IL1RAP: variants seen among roughly 807,000 people sequenced by gnomAD.
The protein encoded by IL1RAP is interleukin-1 receptor accessory protein.
Under a neutral mutation model 60.7 loss-of-function variants are expected in IL1RAP, and 35 were observed. The ratio of observed to expected loss-of-function variants is 0.58; its 90% CI spans 0.44 to 0.76. The LOEUF (loss-of-function observed/expected upper bound fraction) is 0.76, where lower values mean the gene tolerates loss of function less well. Ranked by LOEUF, IL1RAP falls within the 30% of genes least tolerant of loss-of-function variation. IL1RAP has a pLI of 0.00. For synonymous variants in IL1RAP, 268 were observed against 250.9 expected (o/e 1.07, Z -0.64); for missense variants, 572 against 693.9 (o/e 0.82, Z 1.97).
intron 3 of IL1RAP, among the ~76,000 whole-genome samples, chr3:190,593,230 T>G (rs1214086316): frequency 6.6e-6 from 1 of 152,202 alleles, no homozygotes; most frequent in Non-Finnish European, 1.5e-5. Flanking sequence ...TATCTGGTCC[T>G]GGAAAGCAGC....
intron 3 of IL1RAP, among the ~76,000 whole-genome samples, chr3:190,572,637 C>T (rs1020966731): frequency 1.8e-4 from 28 of 152,076 alleles, no homozygotes; most frequent in Non-Finnish European, 3.4e-4. Flanking sequence ...TTAAATACTC[C>T]CCCCTTTTTT....
chr3:190,601,975 T>C (rs1173621912), intron 3 of IL1RAP, among the ~76,000 whole-genome samples: 1 of 152,196 alleles, frequency 6.6e-6, no homozygotes, highest in African/African-American at 2.4e-5. Flanking sequence ...CAATCACTTT[T>C]GCTGCATTTT....
chr3:190,655,144 A>G (rs950141387), downstream of IL1RAP, among the ~76,000 whole-genome samples: 2 of 152,220 alleles, frequency 1.3e-5, no homozygotes, highest in South Asian at 2.1e-4. Flanking sequence ...TAAGTATCAA[A>G]GGATATAACT....
chr3:190,650,702 A>T lies in IL1RAP; in HGVS notation c.*1997A>T, dbSNP rs544198068. Reference sequence around the variant, plus strand: ...AAGTAGAAAAGTAGGTCATTCTTGGATCTACTTTTTTTTAGCCTTATTAAT... The same window carrying T: ...AAGTAGAAAAGTAGGTCATTCTTGGTTCTACTTTTTTTTAGCCTTATTAAT... On this transcript the variant is annotated 3_prime_UTR_variant, in exon 12 of 12. Coordinates refer to ENST00000447382, the MANE Select transcript of IL1RAP (RefSeq NM_002182.4). 2.1e-6 allele frequency: 2 copies of T among 973,926 alleles called. No homozygotes were observed. Among genetic ancestry groups the T allele is most frequent in the African/African-American group, 3.5e-5 (2 of 57,078 alleles). 60.3% of individuals were successfully genotyped at this position (973,926 alleles called of 1,614,324 possible).
At chr3:190,622,809 C>G (rs1245413568) in intron 6 of IL1RAP, among the ~76,000 whole-genome samples, 3 of 152,114 alleles carry the variant, frequency 2.0e-5, no homozygotes, top group Non-Finnish European at 4.4e-5. Context: ...GAGGTTCCGT[C>G]ACACAGGCAT....
At chr3:190,526,113 A>G (rs1008187085) in intron 1 of IL1RAP, among the ~76,000 whole-genome samples, 1 of 152,256 alleles carries the variant, frequency 6.6e-6, no homozygotes, top group African/African-American at 2.4e-5. Context: ...CCGTGCACAT[A>G]TAATCTCATA....
At chr3:190,623,769 T>C (rs1190069492) in intron 7 of IL1RAP, among the ~76,000 whole-genome samples, 2 of 152,314 alleles carry the variant, frequency 1.3e-5, no homozygotes, top group East Asian at 1.9e-4. Flanking sequence ...TCCTGCTCCA[T>C]TATGAAAGGT....
chr3:190,537,538 G>T (rs1560149110), intron 1 of IL1RAP, among the ~76,000 whole-genome samples: 1 of 152,124 alleles, frequency 6.6e-6, no homozygotes, highest in Non-Finnish European at 1.5e-5. Context: ...ACACTTTAAG[G>T]AGCGTGGGAA....
At chr3:190,562,252 T>C (rs1725952575) in intron 2 of IL1RAP, among the ~76,000 whole-genome samples, 1 of 152,342 alleles carries the variant, frequency 6.6e-6, no homozygotes, top group East Asian at 1.9e-4. Context: ...AAATGTCACC[T>C]CTTGTGTTTC....
At chr3:190,591,400 C>T (rs1212021186) in intron 3 of IL1RAP, among the ~76,000 whole-genome samples, 1 of 152,082 alleles carries the variant, frequency 6.6e-6, no homozygotes, top group Non-Finnish European at 1.5e-5. Flanking sequence ...GACATTAGAG[C>T]CCTGGTTTGG....
intron 1 of IL1RAP, among the ~76,000 whole-genome samples, chr3:190,538,576 C>T (rs1486170165): frequency 3.3e-5 from 5 of 152,118 alleles, no homozygotes; most frequent in African/African-American, 1.2e-4. Flanking sequence ...AGGGAAAAAA[C>T]AAATACAGGG....
At chr3:190,574,855 A>C (rs1727296976) in intron 3 of IL1RAP, among the ~76,000 whole-genome samples, 1 of 152,214 alleles carries the variant, frequency 6.6e-6, no homozygotes, top group Non-Finnish European at 1.5e-5. Flanking sequence ...CTCAGCAAGT[A>C]CACAAAAGTA....
At position 190,604,324 on chromosome 3, in the gene IL1RAP, C is replaced by T. The variant is rs1730109883; in HGVS notation, c.261C>T (p.Leu87=). 1 of 1,614,018 alleles carries T rather than the reference C, an allele frequency of 6.2e-7. No individual in the cohort carries two copies. Among genetic ancestry groups the T allele is most frequent in the Middle Eastern group, 1.7e-4 (1 of 6,058 alleles). The change falls in exon 4 of 12, where the codon CTC becomes CTT. Residue 87 remains leucine (L), a synonymous_variant. Coordinates refer to ENST00000447382, the MANE Select transcript of IL1RAP (RefSeq NM_002182.4). ...RDLEEPINFR[L]PENRISKEKD... ...TTGAGGAGCCAATTAACTTCCGCCT[C>T]CCCGAGAACCGCATTAGTAAGGAGA...
At position 190,547,465 on chromosome 3, in the gene IL1RAP, T is replaced by C. The variant is rs547726683; in HGVS notation, c.-88-8665T>C. 3.3e-5 allele frequency among the ~76,000 whole-genome samples: 5 copies of C among 152,328 alleles called. No homozygotes were observed. The South Asian group carries it at 1.0e-3, about 32-fold the overall frequency. ...CTCACACAGACCTCCTCAGTGTTAGTTCATAAGGGGATTTTCTTTAACACT... is the reference window on the plus strand; with the variant it reads ...CTCACACAGACCTCCTCAGTGTTAGCTCATAAGGGGATTTTCTTTAACACT... On this transcript the variant is annotated intron_variant, in intron 1 of 11. Transcript: ENST00000447382.
intron 3 of IL1RAP, among the ~76,000 whole-genome samples, chr3:190,571,481 A>G (rs918767566): frequency 4.6e-5 from 7 of 152,130 alleles, no homozygotes; most frequent in African/African-American, 1.7e-4. Context: ...ACGCCACTGC[A>G]CTCCAGCCTG....
intron 3 of IL1RAP, 23 bp downstream of exon 3, chr3:190,564,376 T>C (rs747659993): frequency 1.3e-6 from 2 of 1,523,764 alleles, no homozygotes; most frequent in Non-Finnish European, 9.1e-7. Flanking sequence ...CTTTTGACAA[T>C]GTATTAAAAT....
chr3:190,587,344 T>C (rs192033528), intron 3 of IL1RAP, among the ~76,000 whole-genome samples: 3 of 152,368 alleles, frequency 2.0e-5, no homozygotes, highest in Non-Finnish European at 4.4e-5. Context: ...ATAATAAAGC[T>C]ATCTGAAAGA....
chr3:190,519,854 G>A (rs144015430), intron 1 of IL1RAP, among the ~76,000 whole-genome samples: 2,378 of 152,240 alleles, frequency 0.016, 54 homozygotes, highest in East Asian at 0.11. Flanking sequence ...GCCATCAGCT[G>A]AGAGACTTAC....
intron 1 of IL1RAP, among the ~76,000 whole-genome samples, chr3:190,525,771 C>G (rs1722460283): frequency 6.6e-6 from 1 of 152,166 alleles, no homozygotes; most frequent in African/African-American, 2.4e-5. Flanking sequence ...TTTGCTTTTT[C>G]TCAAATGATA....
Sources: gnomAD v4.1 joint callset for allele counts (sites outside exome capture counted in the v4.1 genomes callset) on GRCh38, gnomAD v4.1.1 for gene constraint, MANE v1.5 for transcripts, NCBI Gene and HGNC (gene_info 2026-07-23, HGNC 2026-07-21) for gene names.